Variants in RBFOX1 observed in about 807,000 individuals in gnomAD.
RBFOX1 encodes RNA binding fox-1 homolog 1.
Under a neutral mutation model 57.7 loss-of-function variants are expected in RBFOX1, and 8 were observed. That is an observed-to-expected ratio of 0.14 (90% CI 0.08 to 0.25). The LOEUF is 0.25. RBFOX1 is among the 10% of genes least tolerant of loss of function. The probability of loss-of-function intolerance (pLI) is 1.00; values close to 1 mark genes in which losing one functional copy is unlikely to be tolerated. For synonymous variants in RBFOX1, 326 were observed against 222.4 expected, an observed-to-expected ratio of 1.47 and a Z score of -4.15; for missense variants, 611 against 548.5, an observed-to-expected ratio of 1.11 and a Z score of -1.14.
chr16:5,640,835 A>G (rs201871048), intron 3 of RBFOX1, among the ~76,000 whole-genome samples: 7 of 16,124 alleles, frequency 4.3e-4, no homozygotes, highest in South Asian at 0.011. Context: ...ACATACATGC[A>G]CACACACACA....
intron 1 of RBFOX1, among the ~76,000 whole-genome samples, chr16:5,437,664 T>A (rs2067957619): frequency 1.3e-5 from 2 of 152,210 alleles, no homozygotes; most frequent in Non-Finnish European, 2.9e-5. Context: ...ATTACATATG[T>A]AGTGTAAATC....
In RBFOX1 at chr16:7,055,639, C is replaced by G. The variant is rs541347530; in HGVS notation, c.27+3541C>G. ...GTTTTCTTAGATGTCATTGGCCAAT[C>G]TCTACATCAATCACTGGCAAGGTGA... On this transcript the variant is annotated intron_variant, in intron 4 of 15. Coordinates refer to ENST00000550418, the MANE Select transcript of RBFOX1 (RefSeq NM_018723.4). Among the ~76,000 whole-genome samples, 18 of 152,316 alleles carry G rather than the reference C, an allele frequency of 1.2e-4. No individual in the cohort carries two copies. In the South Asian group the frequency reaches 2.5e-3, roughly 21 times the overall value.
intron 3 of RBFOX1, among the ~76,000 whole-genome samples, chr16:6,735,796 T>C (rs1034196864): frequency 1.8e-4 from 28 of 152,282 alleles, no homozygotes; most frequent in African/African-American, 5.5e-4. Flanking sequence ...CCTCTCCCCC[T>C]GTGAAGAACA....
chr16:5,854,582 TCACACACA>T (rs3041543), intron 3 of RBFOX1, among the ~76,000 whole-genome samples: 3 of 148,668 alleles, frequency 2.0e-5, no homozygotes, highest in East Asian at 4.0e-4. Context: ...AAGCACACAT[TCACACACA>T]CACACACACA....
intron 2 of RBFOX1, among the ~76,000 whole-genome samples, chr16:5,543,185 A>G (rs2045037618): frequency 6.6e-6 from 1 of 152,236 alleles, no homozygotes; most frequent in African/African-American, 2.4e-5. Context: ...ATGCCATAAT[A>G]TCAAGCCCAA....
At chr16:5,838,870 A>C (rs1328300937) in intron 3 of RBFOX1, among the ~76,000 whole-genome samples, 1 of 152,186 alleles carries the variant, frequency 6.6e-6, no homozygotes, top group African/African-American at 2.4e-5. Flanking sequence ...CCATTTTACA[A>C]ATCAGGAAAG....
intron 3 of RBFOX1, among the ~76,000 whole-genome samples, chr16:7,033,942 C>G (rs1227028593): frequency 6.6e-6 from 1 of 152,166 alleles, no homozygotes; most frequent in African/African-American, 2.4e-5. Context: ...GCATTTCAGG[C>G]TGGGTGACCA....
At chr16:6,888,946 C>A (rs1216888237) in intron 3 of RBFOX1, among the ~76,000 whole-genome samples, 1 of 152,170 alleles carries the variant, frequency 6.6e-6, no homozygotes, top group Non-Finnish European at 1.5e-5. Context: ...TAATCACTTA[C>A]TTACTGTAGG....
intron 3 of RBFOX1, among the ~76,000 whole-genome samples, chr16:6,767,839 G>T (rs565377086): frequency 2.0e-5 from 3 of 151,332 alleles, no homozygotes; most frequent in South Asian, 4.2e-4. Flanking sequence ...GCTTGAACCC[G>T]GGAGGTGGAG....
At chr16:6,397,611 G>C (rs1030301185) in intron 2 of RBFOX1, among the ~76,000 whole-genome samples, 3 of 152,174 alleles carry the variant, frequency 2.0e-5, no homozygotes, top group Admixed American at 6.6e-5. Flanking sequence ...GAAGAGCAGG[G>C]AACATGGTAA....
chr16:7,064,147 G>A (rs1431068126), intron 4 of RBFOX1, among the ~76,000 whole-genome samples: 1 of 146,220 alleles, frequency 6.8e-6, no homozygotes, highest in East Asian at 2.1e-4. Flanking sequence ...CCCTAATCCA[G>A]TATGACTGGT....
At chr16:7,631,621 G>C (rs2060976410) in intron 11 of RBFOX1, among the ~76,000 whole-genome samples, 1 of 152,170 alleles carries the variant, frequency 6.6e-6, no homozygotes, top group South Asian at 2.1e-4. Context: ...TTAAAAGTGA[G>C]TCTGGGTGCC....
chr16:5,761,050 G>T (rs1484459184), intron 3 of RBFOX1, among the ~76,000 whole-genome samples: 1 of 152,200 alleles, frequency 6.6e-6, no homozygotes, highest in Non-Finnish European at 1.5e-5. Context: ...GCCAGTAGAA[G>T]GTTCTGGGGC....
intron 4 of RBFOX1, among the ~76,000 whole-genome samples, chr16:5,950,444 C>A (rs1055037332): frequency 6.6e-6 from 1 of 152,176 alleles, no homozygotes; most frequent in Non-Finnish European, 1.5e-5. Flanking sequence ...GGGTTTCAAA[C>A]TCTTATGGTC....
chr16:6,134,844 AT>A (rs34843224), intron 1 of RBFOX1, among the ~76,000 whole-genome samples: 77,305 of 150,670 alleles, frequency 0.51, 20,058 homozygotes, highest in South Asian at 0.59. Flanking sequence ...CAGGCAGGCC[AT>A]TTTTTTTTTA....
intron 1 of RBFOX1, among the ~76,000 whole-genome samples, chr16:5,419,811 G>A (rs2067262096): frequency 6.6e-6 from 1 of 152,022 alleles, no homozygotes; most frequent in South Asian, 2.1e-4. Context: ...GGGGCTCAAA[G>A]TGCTGCTGTG....
At chr16:6,748,327 A>G (rs1404289997) in intron 3 of RBFOX1, among the ~76,000 whole-genome samples, 1 of 152,108 alleles carries the variant, frequency 6.6e-6, no homozygotes, top group African/African-American at 2.4e-5. Flanking sequence ...ATACGTACAC[A>G]TACACATATA....
chr16:6,433,157 C>T (rs1284083535), intron 2 of RBFOX1, among the ~76,000 whole-genome samples: 1 of 152,120 alleles, frequency 6.6e-6, no homozygotes, highest in Non-Finnish European at 1.5e-5. Flanking sequence ...TGCCTTGGCC[C>T]CACATGGGGC....
At chr16:6,059,306 A>C (rs2095654847) in intron 1 of RBFOX1, 1 of 152,174 alleles carries the variant, frequency 6.6e-6, no homozygotes, top group African/African-American at 2.4e-5. Context: ...AAATAAATTA[A>C]ACCTGGAGAA....
Sources: gnomAD v4.1 joint callset for allele counts (sites outside exome capture counted in the v4.1 genomes callset) on GRCh38, gnomAD v4.1.1 for gene constraint, MANE v1.5 for transcripts, NCBI Gene and HGNC (gene_info 2026-07-23, HGNC 2026-07-21) for gene names.